The following SLC36A1 variants were observed in gnomAD, a reference collection of about 807,000 sequenced individuals.
SLC36A1 encodes the protein proton-coupled amino acid transporter 1.
In SLC36A1, 30 loss-of-function variants were observed where a neutral mutation model predicts 47.5. The ratio of observed to expected loss-of-function variants is 0.63; its 90% confidence interval spans 0.47 to 0.86. The LOEUF is 0.86. SLC36A1 is among the 40% of genes least tolerant of loss of function. SLC36A1 has a pLI of 0.00. For synonymous variants in SLC36A1, 255 were observed against 249.7 expected, an observed-to-expected ratio of 1.02 and a Z score of -0.20; for missense variants, 517 against 606.0, an observed-to-expected ratio of 0.85 and a Z score of 1.54.
chr5:151,511,983 A>G, the SLC36A1 span: 106,276 of 606,962 alleles, frequency 0.18, 10,340 homozygotes, highest in Non-Finnish European at 0.21. Context: ...TTGAGAGGGA[A>G]GGAAGACTCC....
At chr5:151,457,491 A>G in intron 1 of SLC36A1, among the ~76,000 whole-genome samples, 1 of 152,110 alleles carries the variant, frequency 6.6e-6, no homozygotes, top group East Asian at 1.9e-4. Flanking sequence ...CTCCCAACAC[A>G]TTGAAAGGAC....
chr5:151,476,829 T>A, intron 9 of SLC36A1, 73 bp downstream of exon 9: 1 of 1,550,974 alleles, frequency 6.4e-7, no homozygotes, highest in Non-Finnish European at 8.8e-7. Flanking sequence ...GTGTGGATTC[T>A]CCCTCTTACT....
At chr5:151,380,781 CA>C in the SLC36A1 span, 1 of 528,234 alleles carries the variant, frequency 1.9e-6, no homozygotes, top group Non-Finnish European at 3.9e-6. Context: ...ATTGTGAGCG[CA>C]AGGCCTCTGG....
At chr5:151,553,458 G>A in the SLC36A1 span, 129 of 1,337,882 alleles carry the variant, frequency 9.6e-5, no homozygotes, top group African/African-American at 1.7e-3. Flanking sequence ...GCCAGGACAG[G>A]AACCAGAGCG....
At chr5:151,543,850 T>C in the SLC36A1 span, 2 of 1,614,190 alleles carry the variant, frequency 1.2e-6, no homozygotes, top group Non-Finnish European at 8.5e-7. Flanking sequence ...AATGAAGAAG[T>C]GCCTGTCCTG....
chr5:151,351,382 C>CA, the SLC36A1 span, among the ~76,000 whole-genome samples: 2,654 of 127,972 alleles, frequency 0.021, 41 homozygotes, highest in Middle Eastern at 0.07. Flanking sequence ...AACTCTGTCT[C>CA]AAAAAAAAAA....
chr5:151,433,268 T>TATA (rs1561705258), upstream of SLC36A1, among the ~76,000 whole-genome samples: 13 of 13,092 alleles, frequency 9.9e-4, no homozygotes, highest in Admixed American at 1.4e-3. Flanking sequence ...ATATATATAT[T>TATA]TTTTTTTTTT....
chr5:151,446,856 G>A (rs1362493436), upstream of SLC36A1, among the ~76,000 whole-genome samples: 3 of 152,172 alleles, frequency 2.0e-5, no homozygotes, highest in East Asian at 5.8e-4. Context: ...ATTGTTGAAA[G>A]TGGGATATTG....
chr5:151,385,009 A>AGAGAGAGAGAGTGTGTGT, the SLC36A1 span, among the ~76,000 whole-genome samples: 23 of 128,520 alleles, frequency 1.8e-4, 1 homozygote, highest in African/African-American at 7.2e-4. Context: ...AGAGAGAGAG[A>AGAGAGAGAGAGTGTGTGT]GTGTGTGTGT....
the SLC36A1 span, among the ~76,000 whole-genome samples, chr5:151,537,292 A>AGGAG: frequency 4.2e-3 from 633 of 149,296 alleles, 6 homozygotes; most frequent in African/African-American, 0.015. Context: ...GAGGAGGAGG[A>AGGAG]GGAGGGAGAG....
the SLC36A1 span, among the ~76,000 whole-genome samples, chr5:151,428,077 G>A: frequency 1.3e-5 from 2 of 152,208 alleles, no homozygotes; most frequent in Non-Finnish European, 2.9e-5. Context: ...TGTGGTGGAG[G>A]TGGTGGCTCT....
chr5:151,395,318 G>A, the SLC36A1 span, among the ~76,000 whole-genome samples: 2 of 152,206 alleles, frequency 1.3e-5, no homozygotes, highest in Non-Finnish European at 2.9e-5. Flanking sequence ...GCTTCCCTTG[G>A]CTAGGAAAGG....
chr5:151,507,486 C>G, the SLC36A1 span: 1 of 1,614,042 alleles, frequency 6.2e-7, no homozygotes, highest in African/African-American at 1.3e-5. Context: ...CCCGACAGTG[C>G]TTATGATAAT....
the SLC36A1 span, among the ~76,000 whole-genome samples, chr5:151,374,040 T>C: frequency 6.6e-6 from 1 of 152,190 alleles, no homozygotes; most frequent in Admixed American, 6.5e-5. Context: ...AATAACACCT[T>C]CCTTCTCAGG....
intron 7 of SLC36A1, chr5:151,469,106 C>A: frequency 7.0e-6 from 3 of 428,904 alleles, no homozygotes; most frequent in Non-Finnish European, 8.3e-6. Context: ...AAAAAAAATA[C>A]TTAAATTCAG....
At chr5:151,487,715 A>G (rs955803033) in intron 10 of SLC36A1, among the ~76,000 whole-genome samples, 1 of 152,148 alleles carries the variant, frequency 6.6e-6, no homozygotes, top group Non-Finnish European at 1.5e-5. Context: ...GATGGAAGTC[A>G]TGTGCTGTAG....
At chr5:151,461,783 A>C (rs1755556026) in intron 2 of SLC36A1, among the ~76,000 whole-genome samples, 1 of 152,212 alleles carries the variant, frequency 6.6e-6, no homozygotes. Flanking sequence ...AATGTCTTTG[A>C]TGAAACTGTA....
At chr5:151,428,106 A>G in the SLC36A1 span, among the ~76,000 whole-genome samples, 2 of 152,178 alleles carry the variant, frequency 1.3e-5, no homozygotes, top group African/African-American at 4.8e-5. Flanking sequence ...GCAACTCCAG[A>G]GACATGTTTC....
the SLC36A1 span, among the ~76,000 whole-genome samples, chr5:151,548,043 T>C: frequency 1.3e-5 from 2 of 152,202 alleles, no homozygotes; most frequent in Non-Finnish European, 2.9e-5. Context: ...AAGATGTGAT[T>C]TCATTTCATA....
Sources: allele counts gnomAD v4.1 joint callset (sites outside exome capture counted in the v4.1 genomes callset), GRCh38; gene constraint gnomAD v4.1.1; transcripts MANE v1.5; gene names NCBI Gene and HGNC (gene_info 2026-07-23, HGNC 2026-07-21).